The following HOOK3 variants were observed in gnomAD, a reference collection of about 807,000 sequenced individuals.
HOOK3 encodes the protein protein Hook homolog 3.
In HOOK3, 24 loss-of-function variants were observed where a neutral mutation model predicts 116.3. That is an observed-to-expected ratio of 0.21 (90% CI 0.15 to 0.29). The LOEUF (loss-of-function observed/expected upper bound fraction) is 0.29, where lower values mean the gene tolerates loss of function less well. Among genes scored for constraint, HOOK3 ranks in the 10% least tolerant of loss-of-function variants. The pLI, the probability that HOOK3 is intolerant of heterozygous loss-of-function variation, is 1.00. For synonymous variants in HOOK3, 275 were observed against 283.0 expected (o/e 0.97, Z 0.28); for missense variants, 632 against 830.2 (o/e 0.76, Z 2.93).
intron 2 of HOOK3, among the ~76,000 whole-genome samples, chr8:42,906,905 A>G (rs369590405): frequency 6.6e-6 from 1 of 152,356 alleles, no homozygotes. Flanking sequence ...CAAAATCAGC[A>G]GTTCCTCCTA....
At position 42,914,674 on chromosome 8, in the gene HOOK3, A is replaced by G. The variant is rs558891387; in HGVS notation, c.143+8416A>G. On this transcript the variant is annotated intron_variant, in intron 2 of 21. Coordinates refer to ENST00000307602, the MANE Select transcript of HOOK3 (RefSeq NM_032410.4). ...CTTGGCCCTTCTTGTATTTCTTTGT[A>G]TTTGTTTGACAATACCACAACTCTG... Among the ~76,000 whole-genome samples, 4 of 152,008 alleles carry G rather than the reference A, an allele frequency of 2.6e-5. No individual in the cohort carries two copies. The East Asian group carries it at 5.8e-4, about 22-fold the overall frequency.
intron 4 of HOOK3, among the ~76,000 whole-genome samples, chr8:42,938,510 T>C (rs1285513179): frequency 6.6e-6 from 1 of 152,140 alleles, no homozygotes; most frequent in Non-Finnish European, 1.5e-5. Flanking sequence ...CAATTTCGTA[T>C]GTTTTTGCAG....
chr8:43,007,610 T>G (rs1809517807), intron 17 of HOOK3, among the ~76,000 whole-genome samples: 1 of 152,220 alleles, frequency 6.6e-6, no homozygotes, highest in Non-Finnish European at 1.5e-5. Context: ...GTATACCCTC[T>G]CTTTATGCAG....
intron 1 of HOOK3, among the ~76,000 whole-genome samples, chr8:42,900,114 G>A (rs1202769200): frequency 6.6e-6 from 1 of 152,122 alleles, no homozygotes; most frequent in Non-Finnish European, 1.5e-5. Flanking sequence ...AGAACCATAT[G>A]TTCCAAATTT....
At chr8:42,939,336 C>T (rs1443687343) in intron 4 of HOOK3, among the ~76,000 whole-genome samples, 4 of 150,750 alleles carry the variant, frequency 2.7e-5, no homozygotes, top group East Asian at 4.0e-4. Context: ...GGCGGCTGGT[C>T]GGGCGGGGGG....
At position 42,907,420 on chromosome 8, in the gene HOOK3, A is replaced by G. The variant is rs140838457; in HGVS notation, c.143+1162A>G. Among the ~76,000 whole-genome samples, 102 of 152,306 alleles carry G rather than the reference A, an allele frequency of 6.7e-4. 1 individual carries two copies. Among genetic ancestry groups the G allele is most frequent in the African/African-American group, 2.3e-3 (94 of 41,566 alleles). ...ATGCATGGTACATTTTTCCAGATATATAGGCACACAGATTTTTTAATGAAG... is the reference window on the plus strand; with the variant it reads ...ATGCATGGTACATTTTTCCAGATATGTAGGCACACAGATTTTTTAATGAAG... On this transcript the variant is annotated intron_variant, in intron 2 of 21. Transcript: ENST00000307602.
intron 1 of HOOK3, among the ~76,000 whole-genome samples, chr8:42,901,827 G>A (rs1807195761): frequency 6.6e-6 from 1 of 151,838 alleles, no homozygotes; most frequent in Non-Finnish European, 1.5e-5. Flanking sequence ...TTCTGCCTCA[G>A]CCTCCCTAGT....
rs1808939389 is a variant in HOOK3 at position 42,981,323 on chromosome 8, G to A, written c.1322-1304G>A. Among the ~76,000 whole-genome samples, 4 of 151,832 alleles carry A rather than the reference G, an allele frequency of 2.6e-5. No homozygotes were observed. The South Asian group carries it at 8.3e-4, about 32-fold the overall frequency. ...CCACCTCGGCCTCCCAAAGTGCTGG[G>A]GTTACAGGCATGAGCCACCACACCC... On this transcript the variant is annotated intron_variant, in intron 13 of 21. Transcript: ENST00000307602.
intron 3 of HOOK3, among the ~76,000 whole-genome samples, chr8:42,926,236 T>C (rs867442809): frequency 7.2e-5 from 11 of 152,370 alleles, no homozygotes; most frequent in Middle Eastern, 3.4e-3. Flanking sequence ...GTTTTCATTT[T>C]ATTTTTAAAA....
chr8:42,912,643 TAC>T lies in HOOK3; in HGVS notation c.143+6387_143+6388del, dbSNP rs1807453055. Among the ~76,000 whole-genome samples the T allele has an allele frequency of 2.0e-5, 3 of 151,744 alleles. No individual in the cohort carries two copies. In the South Asian group the frequency reaches 6.2e-4, roughly 32 times the overall value. ...AGTTTTTAAAATATCAGCAAGAAAA[TAC>T]AGTGAGTTCCCACATCCTCCTTGCC... On this transcript the variant is annotated intron_variant, in intron 2 of 21. Coordinates refer to ENST00000307602, the MANE Select transcript of HOOK3 (RefSeq NM_032410.4).
intron 13 of HOOK3, among the ~76,000 whole-genome samples, chr8:42,978,193 C>T (rs1447092225): frequency 6.6e-6 from 1 of 152,096 alleles, no homozygotes; most frequent in Non-Finnish European, 1.5e-5. Context: ...TGTGTTTTTT[C>T]CTATGTTGGC....
chr8:42,897,419 C>T lies in HOOK3; in HGVS notation c.57+231C>T, dbSNP rs112219235. The T allele has an allele frequency of 0.035, 12,913 of 369,268 alleles. 308 individuals carry two copies. The highest frequency in any genetic ancestry group is 0.048 in the Non-Finnish European group (10,000 of 207,740). 22.9% of individuals were successfully genotyped at this position (369,268 alleles called of 1,614,324 possible). On this transcript the variant is annotated intron_variant, in intron 1 of 21. Coordinates refer to ENST00000307602, the MANE Select transcript of HOOK3 (RefSeq NM_032410.4). ...GGGGCTGGGCTGGGAACGCGGCGGG[C>T]GACTCTGGGATCCGTGCGGCTGCTC... is the stretch of plus-strand genomic sequence containing the variant.
At chr8:42,958,147 A>T (rs1808469760) in intron 7 of HOOK3, among the ~76,000 whole-genome samples, 1 of 152,130 alleles carries the variant, frequency 6.6e-6, no homozygotes, top group Non-Finnish European at 1.5e-5. Flanking sequence ...ATCGCTTCTT[A>T]ATGAAGTGTT....
chr8:42,999,740 T>G (rs1586628435), intron 16 of HOOK3, among the ~76,000 whole-genome samples: 1 of 152,276 alleles, frequency 6.6e-6, no homozygotes, highest in Admixed American at 6.5e-5. Flanking sequence ...AGAAAAACAT[T>G]GTTATATCCA....
At chr8:42,973,602 C>G (rs1808765801) in intron 12 of HOOK3, among the ~76,000 whole-genome samples, 1 of 152,116 alleles carries the variant, frequency 6.6e-6, no homozygotes, top group African/African-American at 2.4e-5. Context: ...TACTTCCATT[C>G]AGATTTCTTT....
Position 42,942,797 on chromosome 8 carries a change from G to C in HOOK3, c.268-516G>C, listed in dbSNP as rs191324298. On this transcript the variant is annotated intron_variant, in intron 4 of 21. Coordinates refer to ENST00000307602, the MANE Select transcript of HOOK3 (RefSeq NM_032410.4). ...TTTCACTGTAGGATTGTCAGGCAGA[G>C]ACCTGCCCATTTGTCTGCATATGAA... Among the ~76,000 whole-genome samples the C allele has an allele frequency of 8.3e-4, 127 of 152,278 alleles. 1 individual carries two copies. Among genetic ancestry groups the C allele is most frequent in the Middle Eastern group, 3.4e-3 (1 of 294 alleles).
intron 15 of HOOK3, among the ~76,000 whole-genome samples, chr8:42,987,318 G>T (rs866174773): frequency 6.6e-6 from 1 of 152,148 alleles, no homozygotes; most frequent in Non-Finnish European, 1.5e-5. Context: ...TTAGAATGGT[G>T]TTGTCCTCTT....
At chr8:42,944,510 A>T (rs1415897132) in intron 5 of HOOK3, among the ~76,000 whole-genome samples, 1 of 152,104 alleles carries the variant, frequency 6.6e-6, no homozygotes, top group African/African-American at 2.4e-5. Flanking sequence ...TAATTTTCAC[A>T]TCGATAAACA....
At chr8:42,902,275 T>G (rs1203346400) in intron 1 of HOOK3, among the ~76,000 whole-genome samples, 1 of 149,674 alleles carries the variant, frequency 6.7e-6, no homozygotes, top group Non-Finnish European at 1.5e-5. Flanking sequence ...TCTCTCTCTC[T>G]CTTTTTTTTT....
Sources: allele counts gnomAD v4.1 joint callset (sites outside exome capture counted in the v4.1 genomes callset), GRCh38; gene constraint gnomAD v4.1.1; transcripts MANE v1.5; gene names NCBI Gene and HGNC (gene_info 2026-07-23, HGNC 2026-07-21).